RPAP2: variants seen among roughly 807,000 people sequenced by gnomAD.
RPAP2 encodes the protein putative RNA polymerase II subunit B1 CTD phosphatase RPAP2.
RPAP2 carries 52 observed loss-of-function variants against 73.1 expected under a neutral mutation model. The observed-to-expected ratio is 0.71, with a 90% CI of 0.57 to 0.90. The LOEUF (loss-of-function observed/expected upper bound fraction) is 0.90, where lower values mean the gene tolerates loss of function less well. Ranked by LOEUF, RPAP2 falls within the 40% of genes least tolerant of loss-of-function variation. The pLI is 0.00. For missense variants in RPAP2, 598 were observed against 701.8 expected (o/e 0.85, Z 1.67); for synonymous variants, 225 against 242.1 (o/e 0.93, Z 0.65).
Position 92,324,070 on chromosome 1 carries a change from A to G in RPAP2, c.1150A>G (p.Arg384Gly), listed in dbSNP as rs1326217758. Residue 384 changes from arginine to glycine, a missense_variant, in exon 8 of 13, where the codon AGG becomes GGG. Physicochemically the swap from Arg to Gly is moderately radical, Grantham distance 125 (BLOSUM62 -2). Coordinates refer to ENST00000610020, the MANE Select transcript of RPAP2 (RefSeq NM_024813.3). ...LIEWKTEETL[R>G]FLYGQNYASV... is the part of the protein sequence containing the mutation. ...TGAGTGGAAGACAGAAGAAACATTGAGGTTTTTGTATGGCCAGAATTATGC... is the reference window on the plus strand; with the variant it reads ...TGAGTGGAAGACAGAAGAAACATTGGGGTTTTTGTATGGCCAGAATTATGC... 1 of 1,614,066 alleles carries G rather than the reference A, an allele frequency of 6.2e-7. No individual in the cohort carries two copies. The highest frequency in any genetic ancestry group is 8.5e-7 in the Non-Finnish European group (1 of 1,179,944).
At chr1:92,336,297 A>G (rs751503318) in intron 9 of RPAP2, 50 bp from the exon 10 acceptor site, 2 of 1,317,516 alleles carry the variant, frequency 1.5e-6, no homozygotes, top group South Asian at 1.3e-5. Context: ...ACCCAAAAAA[A>G]GTTTCCATAT....
rs900095874 is a variant in RPAP2, at chr1:92,396,290, T to G, written c.*9279T>G. ...CTCAAACAATCCTCCTGCCTCAGCC[T>G]CCTCAGTAACTGGGACTGCAGGCAG... On this transcript the variant is annotated 3_prime_UTR_variant, in exon 13 of 13. Coordinates refer to ENST00000610020, the MANE Select transcript of RPAP2 (RefSeq NM_024813.3). The G allele has an allele frequency of 2.0e-5, 3 of 151,814 alleles. No homozygotes were observed. The highest frequency in any genetic ancestry group is 7.3e-5 in the African/African-American group (3 of 41,322). 9.4% of individuals were successfully genotyped at this position (151,814 alleles called of 1,614,324 possible).
rs1359721187 is a variant in RPAP2, at chr1:92,393,412, T to C, written c.*6401T>C. On this transcript the variant is annotated 3_prime_UTR_variant, in exon 13 of 13. Transcript: ENST00000610020. ...AACCTGGGCAATACCATTCAGGACA[T>C]AGGCATGGGCAAAGACTTCATGTCT... is the stretch of plus-strand genomic sequence containing the variant. 6.6e-6 allele frequency: 1 copy of C among 152,180 alleles called. No homozygotes were observed. Among genetic ancestry groups the C allele is most frequent in the Non-Finnish European group, 1.5e-5 (1 of 68,042 alleles). 9.4% of individuals were successfully genotyped at this position (152,180 alleles called of 1,614,324 possible).
intron 11 of RPAP2, among the ~76,000 whole-genome samples, chr1:92,358,713 G>A (rs547208814): frequency 1.1e-4 from 17 of 151,652 alleles, no homozygotes; most frequent in South Asian, 2.1e-4. Context: ...TCAGCCTCCC[G>A]TGCAGCTGGG....
chr1:92,304,173 C>A (rs1651049482), intron 4 of RPAP2, 98 bp downstream of exon 4: 1 of 1,157,946 alleles, frequency 8.6e-7, no homozygotes, highest in Non-Finnish European at 1.3e-6. Context: ...AGGTCATGAA[C>A]TAAAGGCATG....
chr1:92,382,339 C>T (rs1182744920), intron 12 of RPAP2, among the ~76,000 whole-genome samples: 11 of 152,162 alleles, frequency 7.2e-5, no homozygotes, highest in East Asian at 1.9e-4. Context: ...CCTGAGGAAT[C>T]GCCACACTGA....
intron 11 of RPAP2, among the ~76,000 whole-genome samples, chr1:92,368,585 G>A (rs1655022016): frequency 6.6e-6 from 1 of 152,128 alleles, no homozygotes; most frequent in African/African-American, 2.4e-5. Flanking sequence ...AGTTTGTACA[G>A]CTCTAAATCC....
At chr1:92,380,993 G>C (rs1467570044) in intron 12 of RPAP2, 120 bp downstream of exon 12, 1 of 748,824 alleles carries the variant, frequency 1.3e-6, no homozygotes, top group Non-Finnish European at 2.0e-6. Context: ...CCCTCAGTTT[G>C]CTAAGGAAGG....
chr1:92,300,750 C>G (rs535895954), intron 2 of RPAP2, among the ~76,000 whole-genome samples: 7 of 152,272 alleles, frequency 4.6e-5, no homozygotes, highest in African/African-American at 1.7e-4. Flanking sequence ...TGAAGACTCA[C>G]TAATCTTATA....
intron 6 of RPAP2, among the ~76,000 whole-genome samples, chr1:92,311,393 G>A (rs1355702184): frequency 6.6e-6 from 1 of 152,180 alleles, no homozygotes; most frequent in Non-Finnish European, 1.5e-5. Context: ...TAAGACTAGA[G>A]AAACTTATAC....
In RPAP2 at chr1:92,304,048, T is replaced by A; in HGVS notation, c.306T>A (p.Tyr102Ter). The A allele has an allele frequency of 1.2e-6, 2 of 1,612,154 alleles. No individual in the cohort carries two copies. Among genetic ancestry groups the A allele is most frequent in the Non-Finnish European group, 1.7e-6 (2 of 1,179,150 alleles). ...DERSIVKLCG[Y>*]PLCQKKLGIV... ...GTTCTATTGTCAAACTCTGTGGTTA[T>A]CCTTTATGTCAGAAGAAGCTGGGAA... The change falls in exon 4 of 13, where the codon TAT becomes TAA. Residue 102 changes from tyrosine (Y) to a stop codon, truncating the protein, a stop_gained. Coordinates refer to ENST00000610020, the MANE Select transcript of RPAP2 (RefSeq NM_024813.3). LOFTEE classifies it high-confidence loss of function.
At chr1:92,320,206 G>A (rs948631962) in intron 6 of RPAP2, among the ~76,000 whole-genome samples, 2 of 152,074 alleles carry the variant, frequency 1.3e-5, no homozygotes, top group Non-Finnish European at 2.9e-5. Context: ...AGTGAGTATA[G>A]TTTGGGTAAG....
Position 92,399,784 on chromosome 1 carries a change from G to GA in RPAP2, c.*12779dup, listed in dbSNP as rs1053854012. ...TTAACACATTATCCATCTTTGGGGG[G>GA]AAAAAATACACTAAATTTTAGACAG... is the stretch of plus-strand genomic sequence containing the variant. On this transcript the variant is annotated 3_prime_UTR_variant, in exon 13 of 13. Coordinates refer to ENST00000610020, the MANE Select transcript of RPAP2 (RefSeq NM_024813.3). 6.6e-6 allele frequency: 1 copy of GA among 152,002 alleles called. No homozygotes were observed. The highest frequency in any genetic ancestry group is 2.4e-5 in the African/African-American group (1 of 41,386). 9.4% of individuals were successfully genotyped at this position (152,002 alleles called of 1,614,324 possible). A position where few individuals can be genotyped will look rare whatever the true frequency, so the allele number is the denominator to read the frequency against.
Position 92,320,589 on chromosome 1 carries a change from C to G in RPAP2, c.489-10C>G. 2 of 1,609,922 alleles carry G rather than the reference C, an allele frequency of 1.2e-6. No individual in the cohort carries two copies. Among genetic ancestry groups the G allele is most frequent in the South Asian group, 1.1e-5 (1 of 90,764 alleles). On this transcript the variant is annotated splice_polypyrimidine_tract_variant and intron_variant, in intron 6 of 12. Transcript: ENST00000610020. ...CCGGCCTAATTTTTATTTCTGTGTT[C>G]TTATTACAGGCATCCTGATTTTCAA...
chr1:92,323,405 A>C, intron 7 of RPAP2, 40 bp from the exon 8 acceptor site: 12 of 1,393,452 alleles, frequency 8.6e-6, no homozygotes, highest in Non-Finnish European at 1.2e-5. Flanking sequence ...TTTATTTGCT[A>C]TTTTTTATTT....
rs139197180 is a variant in RPAP2, at chr1:92,365,036, T to C, written c.1689-15688T>C. Among the ~76,000 whole-genome samples, 439 of 152,328 alleles carry C rather than the reference T, an allele frequency of 2.9e-3. 1 individual carries two copies. The highest frequency in any genetic ancestry group is 4.4e-3 in the Non-Finnish European group (296 of 68,030). On this transcript the variant is annotated intron_variant, in intron 11 of 12. Coordinates refer to ENST00000610020, the MANE Select transcript of RPAP2 (RefSeq NM_024813.3). ...CTGTTTCCCCCACAATCATCTTCAATAGGACTTGACCTATGCTTGAAACTT... is the reference window on the plus strand; with the variant it reads ...CTGTTTCCCCCACAATCATCTTCAACAGGACTTGACCTATGCTTGAAACTT...
At chr1:92,381,520 A>G (rs1230934703) in intron 12 of RPAP2, among the ~76,000 whole-genome samples, 1 of 151,596 alleles carries the variant, frequency 6.6e-6, no homozygotes, top group Non-Finnish European at 1.5e-5. Flanking sequence ...TCAGATAGGT[A>G]CTGATTTAAT....
intron 11 of RPAP2, among the ~76,000 whole-genome samples, chr1:92,360,105 C>A (rs1654662643): frequency 6.6e-6 from 1 of 152,202 alleles, no homozygotes; most frequent in Non-Finnish European, 1.5e-5. Context: ...TATCTGACTT[C>A]AAAATATGTA....
At chr1:92,320,701 A>T (rs961192818) in intron 7 of RPAP2, 67 bp downstream of exon 7, 1 of 1,258,412 alleles carries the variant, frequency 7.9e-7, no homozygotes, top group Non-Finnish European at 1.1e-6. Context: ...GGAGTGAACC[A>T]GGTGATATGA....
Sources: gnomAD v4.1 joint callset for allele counts (sites outside exome capture counted in the v4.1 genomes callset) on GRCh38, gnomAD v4.1.1 for gene constraint, MANE v1.5 for transcripts, NCBI Gene and HGNC (gene_info 2026-07-23, HGNC 2026-07-21) for gene names.